ZNF892: variants seen among roughly 807,000 people sequenced by gnomAD.
The protein encoded by ZNF892 is zinc finger protein 570-like.
chr2:95,230,610 G>A, the ZNF892 span, among the ~76,000 whole-genome samples: 2 of 152,134 alleles, frequency 1.3e-5, no homozygotes, highest in South Asian at 2.1e-4. Flanking sequence ...ATGGTGAGAC[G>A]GGAAGTGGCA....
chr2:95,219,041 C>G, the ZNF892 span, among the ~76,000 whole-genome samples: 1 of 152,138 alleles, frequency 6.6e-6, no homozygotes, highest in African/African-American at 2.4e-5. Context: ...CGCTCTTGTC[C>G]AGGCTGGAGT....
chr2:95,243,196 G>A, the ZNF892 span, among the ~76,000 whole-genome samples: 5 of 152,066 alleles, frequency 3.3e-5, no homozygotes, highest in African/African-American at 7.2e-5. Flanking sequence ...ATCTCGGCTC[G>A]CTACAACCTC....
At chr2:95,253,090 A>C in the ZNF892 span, among the ~76,000 whole-genome samples, 4 of 152,154 alleles carry the variant, frequency 2.6e-5, no homozygotes, top group African/African-American at 7.2e-5. Flanking sequence ...CTTTAGTTTA[A>C]TTAGATCCCA....
the ZNF892 span, chr2:95,212,413 A>T: frequency 2.5e-6 from 1 of 396,440 alleles, no homozygotes; most frequent in Non-Finnish European, 4.4e-6. Flanking sequence ...GCCACATCCT[A>T]GCTCTGTGGA....
chr2:95,214,336 A>T, the ZNF892 span: 9 of 398,482 alleles, frequency 2.3e-5, no homozygotes, highest in Admixed American at 8.8e-5. Context: ...CTTATTTCAG[A>T]CTGGGAAACA....
At chr2:95,245,998 C>T in the ZNF892 span, among the ~76,000 whole-genome samples, 1 of 152,138 alleles carries the variant, frequency 6.6e-6, no homozygotes, top group Non-Finnish European at 1.5e-5. Context: ...AGGAGGGACT[C>T]CTCCCTAACT....
At chr2:95,225,476 G>A in the ZNF892 span, among the ~76,000 whole-genome samples, 1 of 152,178 alleles carries the variant, frequency 6.6e-6, no homozygotes, top group Non-Finnish European at 1.5e-5. Context: ...CTGAACTCAC[G>A]CTTTTGTAAT....
chr2:95,215,711 C>T, the ZNF892 span: 1 of 397,436 alleles, frequency 2.5e-6, no homozygotes, highest in Non-Finnish European at 4.4e-6. Context: ...AAGTTATTGA[C>T]AAGTCATTGC....
chr2:95,213,499 G>T, the ZNF892 span, among the ~76,000 whole-genome samples: 2 of 152,168 alleles, frequency 1.3e-5, no homozygotes, highest in Non-Finnish European at 2.9e-5. Flanking sequence ...GGAACTTGGG[G>T]TAGATATCTT....
the ZNF892 span, among the ~76,000 whole-genome samples, chr2:95,219,068 A>G: frequency 0.98 from 148,907 of 152,214 alleles, 72,854 homozygotes; most frequent in East Asian, 1. Flanking sequence ...GCGCGATTTC[A>G]GCTAACTGCA....
the ZNF892 span, chr2:95,211,795 A>G: frequency 1.1e-4 from 42 of 398,062 alleles, no homozygotes; most frequent in Middle Eastern, 1.3e-3. Context: ...TAGGAGCTCC[A>G]AGGTCCTTAT....
At chr2:95,261,249 C>G in the ZNF892 span, among the ~76,000 whole-genome samples, 4 of 152,008 alleles carry the variant, frequency 2.6e-5, no homozygotes, top group Non-Finnish European at 5.9e-5. Flanking sequence ...CTCTGTGGCA[C>G]TTACCTTCCT....
At chr2:95,248,330 A>G in the ZNF892 span, among the ~76,000 whole-genome samples, 5 of 152,184 alleles carry the variant, frequency 3.3e-5, no homozygotes, top group African/African-American at 1.2e-4. Context: ...GTTGGGGACT[A>G]CTAGAGGGAG....
the ZNF892 span, among the ~76,000 whole-genome samples, chr2:95,234,179 C>G: frequency 6.6e-6 from 1 of 152,178 alleles, no homozygotes; most frequent in Non-Finnish European, 1.5e-5. Flanking sequence ...TTCCAGGAGG[C>G]AGTGGTGCAG....
the ZNF892 span, chr2:95,212,351 T>C: frequency 5.0e-6 from 2 of 397,970 alleles, no homozygotes; most frequent in Non-Finnish European, 8.9e-6. Context: ...GAGGAGCCTG[T>C]CCAGATTTTG....
At chr2:95,237,556 C>G in the ZNF892 span, among the ~76,000 whole-genome samples, 5 of 152,110 alleles carry the variant, frequency 3.3e-5, no homozygotes, top group South Asian at 4.1e-4. Context: ...TTAGGCCAAT[C>G]AATAACCCTA....
At chr2:95,230,015 G>GTA in the ZNF892 span, among the ~76,000 whole-genome samples, 680 of 149,254 alleles carry the variant, frequency 4.6e-3, 6 homozygotes, top group African/African-American at 0.014. Context: ...TTTTTCTGTG[G>GTA]TATATATATA....
the ZNF892 span, among the ~76,000 whole-genome samples, chr2:95,223,266 T>C: frequency 6.6e-6 from 1 of 152,262 alleles, no homozygotes; most frequent in Non-Finnish European, 1.5e-5. Context: ...TTTATATATT[T>C]TGACACTCAG....
chr2:95,236,497 G>A, the ZNF892 span, among the ~76,000 whole-genome samples: 9,858 of 152,180 alleles, frequency 0.065, 444 homozygotes, highest in South Asian at 0.16. Flanking sequence ...ATTAATTCTC[G>A]TTCTGCTCTA....
Sources: gnomAD v4.1 joint callset for allele counts (sites outside exome capture counted in the v4.1 genomes callset) on GRCh38, gnomAD v4.1.1 for gene constraint, MANE v1.5 for transcripts, NCBI Gene and HGNC (gene_info 2026-07-23, HGNC 2026-07-21) for gene names.